Variants in S100Z observed in about 807,000 individuals in gnomAD.
S100Z encodes S100 calcium binding protein Z.
Under a neutral mutation model 8.5 loss-of-function variants are expected in S100Z, and 11 were observed. That is an observed-to-expected ratio of 1.30 (90% CI 0.82 to 2.15). S100Z has a LOEUF of 2.15. Among genes scored for constraint, S100Z ranks in the 30% most tolerant of loss-of-function variants. S100Z has a pLI of 0.00. For missense variants in S100Z, 126 were observed against 117.9 expected (o/e 1.07, Z -0.32); for synonymous variants, 34 against 43.8 (o/e 0.78, Z 0.89).
the S100Z span, among the ~76,000 whole-genome samples, chr5:76,930,357 A>G: frequency 6.6e-6 from 1 of 152,192 alleles, no homozygotes; most frequent in African/African-American, 2.4e-5. Flanking sequence ...TCCAAATTGT[A>G]CCAAAAAGAA....
chr5:76,936,564 A>G, the S100Z span, among the ~76,000 whole-genome samples: 1 of 151,500 alleles, frequency 6.6e-6, no homozygotes, highest in Admixed American at 6.6e-5. Flanking sequence ...TGAGGATGGC[A>G]GATTGAATCA....
At chr5:76,937,745 C>G in the S100Z span, among the ~76,000 whole-genome samples, 1 of 58,864 alleles carries the variant, frequency 1.7e-5, no homozygotes, top group African/African-American at 5.7e-5. Flanking sequence ...AATGCAAGAC[C>G]CTGTCTCAAA....
the S100Z span, among the ~76,000 whole-genome samples, chr5:76,939,898 G>A: frequency 5.3e-5 from 8 of 151,962 alleles, no homozygotes; most frequent in South Asian, 2.1e-4. Context: ...GGTGGCTCAC[G>A]CCTGTAATGC....
intron 1 of S100Z, among the ~76,000 whole-genome samples, chr5:76,856,337 C>T (rs1750880695): frequency 6.6e-6 from 1 of 152,154 alleles, no homozygotes; most frequent in African/African-American, 2.4e-5. Flanking sequence ...GTAGCTGGGA[C>T]TACAGGTGCA....
chr5:76,938,115 A>C, the S100Z span, among the ~76,000 whole-genome samples: 1 of 138,158 alleles, frequency 7.2e-6, no homozygotes, highest in African/African-American at 2.8e-5. Context: ...AATAAACAAA[A>C]AAACAAAAAA....
At chr5:76,938,456 G>A in the S100Z span, among the ~76,000 whole-genome samples, 86 of 122,644 alleles carry the variant, frequency 7.0e-4, no homozygotes, top group South Asian at 4.1e-3. Flanking sequence ...AGAAGAATGA[G>A]AGGTGAAAGA....
intron 4 of S100Z, among the ~76,000 whole-genome samples, chr5:76,909,414 C>G (rs1744572467): frequency 6.6e-6 from 1 of 152,118 alleles, no homozygotes; most frequent in Non-Finnish European, 1.5e-5. Flanking sequence ...CAATACTATC[C>G]TGCAGCTTGA....
intron 4 of S100Z, among the ~76,000 whole-genome samples, chr5:76,886,501 G>A (rs1032304928): frequency 2.6e-5 from 4 of 152,286 alleles, no homozygotes; most frequent in Middle Eastern, 3.4e-3. Context: ...ACCCGAGGTC[G>A]TAGGTGGATC....
At chr5:76,885,756 GA>G (rs1743596955) in intron 4 of S100Z, among the ~76,000 whole-genome samples, 1 of 151,070 alleles carries the variant, frequency 6.6e-6, no homozygotes, top group African/African-American at 2.4e-5. Flanking sequence ...CAGGAAAGTG[GA>G]GAAGGGATAG....
chr5:76,922,232 C>T (rs985710202), downstream of S100Z, among the ~76,000 whole-genome samples: 1 of 151,972 alleles, frequency 6.6e-6, no homozygotes, highest in African/African-American at 2.4e-5. Context: ...AAGCTTTTTT[C>T]CAAAAGAAAT....
At chr5:76,913,672 CA>C (rs1173021743) in intron 4 of S100Z, among the ~76,000 whole-genome samples, 4 of 152,212 alleles carry the variant, frequency 2.6e-5, no homozygotes, top group African/African-American at 9.6e-5. Context: ...CAAGAGATAA[CA>C]AAATCTATCC....
chr5:76,876,118 C>T (rs1743183191), intron 3 of S100Z, among the ~76,000 whole-genome samples: 1 of 152,178 alleles, frequency 6.6e-6, no homozygotes, highest in Admixed American at 6.5e-5. Flanking sequence ...CCAAGGAAAA[C>T]ACTTCACGCT....
the S100Z span, among the ~76,000 whole-genome samples, chr5:76,933,863 T>TGTACCCATTAAACAAAAACTTC: frequency 3.4e-3 from 525 of 152,262 alleles, 9 homozygotes; most frequent in Non-Finnish European, 9.1e-4. Flanking sequence ...ACAAAAACTT[T>TGTACCCATTAAACAAAAACTTC]GTACCCATTA....
chr5:76,932,883 T>C, the S100Z span, among the ~76,000 whole-genome samples: 151,076 of 152,378 alleles, frequency 0.99, 74,913 homozygotes, highest in Middle Eastern at 1. Flanking sequence ...GACTCTGTAA[T>C]ATTTAACACC....
At chr5:76,875,610 A>C in intron 3 of S100Z, 110 bp downstream of exon 3, 1 of 947,106 alleles carries the variant, frequency 1.1e-6, no homozygotes, top group Non-Finnish European at 1.5e-6. Flanking sequence ...AAATGCAGCC[A>C]AATTTGTACA....
At chr5:76,884,968 T>C (rs1384458835) in intron 4 of S100Z, among the ~76,000 whole-genome samples, 1 of 152,064 alleles carries the variant, frequency 6.6e-6, no homozygotes, top group African/African-American at 2.4e-5. Flanking sequence ...GAGGAACCAA[T>C]GTGTAAAAGA....
At chr5:76,931,270 G>C in the S100Z span, among the ~76,000 whole-genome samples, 1 of 151,880 alleles carries the variant, frequency 6.6e-6, no homozygotes, top group Non-Finnish European at 1.5e-5. Context: ...ACCACACCTG[G>C]CTAATTTTTT....
At chr5:76,950,736 TA>T in the S100Z span, among the ~76,000 whole-genome samples, 5 of 151,176 alleles carry the variant, frequency 3.3e-5, no homozygotes, top group African/African-American at 4.8e-5. Context: ...AGAACATATT[TA>T]AAAAAAAAAT....
chr5:76,941,529 C>T, the S100Z span, among the ~76,000 whole-genome samples: 1 of 152,130 alleles, frequency 6.6e-6, no homozygotes, highest in Non-Finnish European at 1.5e-5. Context: ...AACTGTGAGT[C>T]CATTAAACCT....
Sources: allele counts gnomAD v4.1 joint callset (sites outside exome capture counted in the v4.1 genomes callset), GRCh38; gene constraint gnomAD v4.1.1; transcripts MANE v1.5; gene names NCBI Gene and HGNC (gene_info 2026-07-23, HGNC 2026-07-21).